The following ARMC2 variants were observed in gnomAD, a reference collection of about 807,000 sequenced individuals.
ARMC2 encodes the protein armadillo repeat-containing protein 2.
A neutral mutation model predicts 90.3 loss-of-function variants in ARMC2; 67 were observed. That is an observed-to-expected ratio of 0.74 (90% CI 0.61 to 0.91). ARMC2 has a LOEUF of 0.91. Ranked by LOEUF, ARMC2 falls within the 40% of genes least tolerant of loss-of-function variation. The pLI, the probability that ARMC2 is intolerant of heterozygous loss-of-function variation, is 0.00. For synonymous variants in ARMC2, 393 were observed against 393.0 expected (o/e 1.00, Z 0.00); for missense variants, 920 against 1,030.9 (o/e 0.89, Z 1.47).
At chr6:108,955,179 A>G (rs1045245624) in intron 13 of ARMC2, among the ~76,000 whole-genome samples, 1 of 152,198 alleles carries the variant, frequency 6.6e-6, no homozygotes, top group African/African-American at 2.4e-5. Flanking sequence ...TCTGGGGGAT[A>G]CCAACATTCA....
chr6:108,987,590 G>T, the ARMC2 span: 1 of 1,605,084 alleles, frequency 6.2e-7, no homozygotes. Context: ...AAGGAGTTCT[G>T]CTTGCATCCT....
At chr6:108,889,550 C>A (rs1263716814) in intron 5 of ARMC2, among the ~76,000 whole-genome samples, 1 of 151,970 alleles carries the variant, frequency 6.6e-6, no homozygotes, top group Non-Finnish European at 1.5e-5. Context: ...AAGCGATCCT[C>A]CTGCCTCAGC....
At chr6:108,985,339 A>ATGAT in the ARMC2 span, among the ~76,000 whole-genome samples, 27 of 152,262 alleles carry the variant, frequency 1.8e-4, no homozygotes, top group East Asian at 5.2e-3. Flanking sequence ...AAATCTTCTC[A>ATGAT]TGATTATTTT....
chr6:108,931,396 A>G (rs969335177), intron 11 of ARMC2, among the ~76,000 whole-genome samples: 2 of 151,816 alleles, frequency 1.3e-5, no homozygotes, highest in Admixed American at 6.6e-5. Flanking sequence ...GCGTGCATGT[A>G]TCTTTATTGT....
chr6:108,984,704 T>A, the ARMC2 span, among the ~76,000 whole-genome samples: 2 of 152,228 alleles, frequency 1.3e-5, no homozygotes, highest in South Asian at 4.1e-4. Flanking sequence ...TTTTTTTGGA[T>A]CATTCATTGT....
At chr6:108,873,063 C>T (rs1318402366) in intron 4 of ARMC2, among the ~76,000 whole-genome samples, 1 of 152,150 alleles carries the variant, frequency 6.6e-6, no homozygotes, top group Non-Finnish European at 1.5e-5. Context: ...AGTTGGCAAA[C>T]TTTTTCTGTA....
At chr6:108,973,330 G>T in intron 17 of ARMC2, 27 bp from the exon 18 acceptor site, 1 of 1,577,324 alleles carries the variant, frequency 6.3e-7, no homozygotes, top group African/African-American at 1.4e-5. Flanking sequence ...TCTAAATAAT[G>T]CTGTAATTTA....
chr6:108,994,398 A>T, the ARMC2 span: 2 of 1,360,108 alleles, frequency 1.5e-6, no homozygotes, highest in Non-Finnish European at 1.0e-6. Context: ...AAAGTTATTT[A>T]AATTCTCTAA....
the ARMC2 span, among the ~76,000 whole-genome samples, chr6:109,011,976 T>C: frequency 6.6e-6 from 1 of 152,244 alleles, no homozygotes; most frequent in Non-Finnish European, 1.5e-5. Flanking sequence ...CAGATTTAAC[T>C]TTTGAAATGT....
chr6:108,852,557 A>G (rs764190255), intron 1 of ARMC2, among the ~76,000 whole-genome samples: 10 of 152,232 alleles, frequency 6.6e-5, no homozygotes, highest in Non-Finnish European at 4.4e-5. Context: ...TTCCTGCTTC[A>G]TCACTCTCTG....
the ARMC2 span, chr6:108,998,551 C>T: frequency 1.2e-6 from 2 of 1,613,934 alleles, no homozygotes; most frequent in African/African-American, 1.3e-5. Context: ...ATCTCATCCA[C>T]ACTGTGATTG....
the ARMC2 span, chr6:109,009,297 G>T: frequency 1.4e-6 from 2 of 1,399,212 alleles, no homozygotes; most frequent in South Asian, 1.4e-5. Context: ...GCACAGGGCA[G>T]CTCGGCCGGG....
chr6:108,862,572 C>CT, intron 3 of ARMC2, among the ~76,000 whole-genome samples: 1 of 151,956 alleles, frequency 6.6e-6, no homozygotes, highest in East Asian at 1.9e-4. Context: ...GACCTTCCAC[C>CT]TTTTTTCTTC....
intron 4 of ARMC2, among the ~76,000 whole-genome samples, chr6:108,869,975 G>A (rs945009229): frequency 5.3e-5 from 8 of 152,210 alleles, no homozygotes; most frequent in African/African-American, 1.9e-4. Context: ...ATAGGGGTAA[G>A]TATTGCTTCA....
chr6:108,854,594 C>A, intron 2 of ARMC2, 109 bp downstream of exon 2: 1 of 1,133,200 alleles, frequency 8.8e-7, no homozygotes, highest in Non-Finnish European at 1.2e-6. Flanking sequence ...TTTTTTAGAA[C>A]AGTTTTAAGT....
At chr6:108,890,217 A>C (rs868708909) in intron 5 of ARMC2, among the ~76,000 whole-genome samples, 7,137 of 112,906 alleles carry the variant, frequency 0.063, 440 homozygotes, top group Middle Eastern at 0.11. Flanking sequence ...AAAAAAAAAA[A>C]AAAAAAAAAA....
intron 17 of ARMC2, among the ~76,000 whole-genome samples, chr6:108,967,713 C>A (rs960129571): frequency 3.9e-5 from 6 of 152,112 alleles, no homozygotes; most frequent in Admixed American, 2.6e-4. Flanking sequence ...TATTTGTATT[C>A]TTTTTATTGT....
chr6:109,006,692 T>G, the ARMC2 span, among the ~76,000 whole-genome samples: 1 of 152,176 alleles, frequency 6.6e-6, no homozygotes, highest in African/African-American at 2.4e-5. Context: ...ACAGTAGTAG[T>G]CTTGGTTTAT....
At chr6:108,913,531 T>A (rs115940575) in intron 10 of ARMC2, among the ~76,000 whole-genome samples, 35 of 152,318 alleles carry the variant, frequency 2.3e-4, no homozygotes, top group African/African-American at 8.2e-4. Flanking sequence ...TGTTATCGAA[T>A]CATTTAATTT....
Sources: allele counts gnomAD v4.1 joint callset (sites outside exome capture counted in the v4.1 genomes callset), GRCh38; gene constraint gnomAD v4.1.1; transcripts MANE v1.5; gene names NCBI Gene and HGNC (gene_info 2026-07-23, HGNC 2026-07-21).